RAB11FIP4: variants seen among roughly 807,000 people sequenced by gnomAD.
RAB11FIP4 encodes rab11 family-interacting protein 4.
In RAB11FIP4, 23 loss-of-function variants were observed where a neutral mutation model predicts 74.3. The observed-to-expected ratio is 0.31, with a 90% CI of 0.22 to 0.44. The LOEUF is 0.44. Among genes scored for constraint, RAB11FIP4 ranks in the 20% least tolerant of loss-of-function variants. The pLI is 1.00. For synonymous variants in RAB11FIP4, 360 were observed against 359.9 expected (o/e 1.00, Z 0.00); for missense variants, 630 against 863.9 (o/e 0.73, Z 3.39).
intron 1 of RAB11FIP4, among the ~76,000 whole-genome samples, chr17:31,406,451 C>T (rs1397471235): frequency 6.6e-6 from 1 of 152,104 alleles, no homozygotes; most frequent in Non-Finnish European, 1.5e-5. Context: ...TAAAAATGGT[C>T]GTGTCTCCTC....
Position 31,535,504 on chromosome 17 carries a change from C to A in RAB11FIP4, c.*3772C>A, listed in dbSNP as rs1034665951. ...CTGCCCTGTCCTGCAAGGTCGTTGG[C>A]CAGAGGTAGAGGAAACTGGTCAAAG... is the stretch of plus-strand genomic sequence containing the variant. On this transcript the variant is annotated 3_prime_UTR_variant, in exon 15 of 15. Transcript: ENST00000621161. The A allele has an allele frequency of 2.0e-5, 3 of 152,222 alleles. No homozygotes were observed. Among genetic ancestry groups the A allele is most frequent in the African/African-American group, 7.2e-5 (3 of 41,444 alleles). The allele number at this position is 152,222 out of a possible 1,614,324, so 9.4% of individuals were successfully genotyped here.
chr17:31,398,806 A>G (rs916075124), intron 1 of RAB11FIP4, among the ~76,000 whole-genome samples: 4 of 152,210 alleles, frequency 2.6e-5, no homozygotes, highest in Admixed American at 2.6e-4. Flanking sequence ...AGGCTGGGCC[A>G]GGAGATTCCT....
At chr17:31,459,989 T>C (rs576611193) in intron 3 of RAB11FIP4, among the ~76,000 whole-genome samples, 24 of 152,152 alleles carry the variant, frequency 1.6e-4, no homozygotes, top group Non-Finnish European at 2.9e-4. Context: ...TGCCTTGCGG[T>C]CACTCCCGGC....
At chr17:31,530,672 C>G (rs76141076) in intron 14 of RAB11FIP4, among the ~76,000 whole-genome samples, 1 of 152,190 alleles carries the variant, frequency 6.6e-6, no homozygotes, top group East Asian at 1.9e-4. Context: ...TCCGCCTGTG[C>G]TGGAAGGAGT....
chr17:31,394,779 GGACAGGGCCCC>G (rs1458759632), intron 1 of RAB11FIP4, among the ~76,000 whole-genome samples: 1 of 152,108 alleles, frequency 6.6e-6, no homozygotes, highest in Non-Finnish European at 1.5e-5. Context: ...GCAGGACCAT[GGACAGGGCCCC>G]GAGGCACTTG....
chr17:31,464,172 T>G (rs968672058), intron 3 of RAB11FIP4, among the ~76,000 whole-genome samples: 2 of 151,988 alleles, frequency 1.3e-5, no homozygotes, highest in African/African-American at 4.8e-5. Flanking sequence ...CATACTTGCC[T>G]GTGTTTGAAC....
chr17:31,524,806 C>T (rs537690219), intron 9 of RAB11FIP4: 29 of 514,060 alleles, frequency 5.6e-5, no homozygotes, highest in African/African-American at 9.7e-5. Flanking sequence ...GAGGTGGTTC[C>T]GGCCAGGTGT....
Position 31,528,638 on chromosome 17 carries a change from A to G in RAB11FIP4, c.1513A>G (p.Lys505Glu). ...ATQELIEDLR[K>E]ELEHLQMYKL... is the part of the protein sequence containing the mutation. ...CTCGCAGCTCATCGAGGACTTGCGG[A>G]AGGAGCTGGAGCACCTGCAGATGTA... Residue 505 changes from lysine (K) to glutamate (E), a missense_variant, in exon 13 of 15, where the codon AAG becomes GAG. Lys to Glu is a moderately conservative substitution (Grantham distance 56). Coordinates refer to ENST00000621161, the MANE Select transcript of RAB11FIP4 (RefSeq NM_032932.6). 2 of 1,613,506 alleles carry G rather than the reference A, an allele frequency of 1.2e-6. No homozygotes were observed. The highest frequency in any genetic ancestry group is 1.7e-6 in the Non-Finnish European group (2 of 1,179,784).
At chr17:31,514,537 A>G (rs2072511714) in intron 3 of RAB11FIP4, among the ~76,000 whole-genome samples, 1 of 152,252 alleles carries the variant, frequency 6.6e-6, no homozygotes, top group Non-Finnish European at 1.5e-5. Flanking sequence ...CAGAAAGGGG[A>G]AAAGAGGCTC....
At chr17:31,480,299 C>T (rs566004594) in intron 3 of RAB11FIP4, among the ~76,000 whole-genome samples, 78 of 152,130 alleles carry the variant, frequency 5.1e-4, no homozygotes, top group African/African-American at 1.8e-3. Flanking sequence ...ACATTGTGTG[C>T]CAGGATGCCA....
chr17:31,501,135 C>G (rs1011164275), intron 3 of RAB11FIP4, among the ~76,000 whole-genome samples: 1 of 151,926 alleles, frequency 6.6e-6, no homozygotes. Flanking sequence ...AAAATATCAT[C>G]TCTTAAGAAG....
chr17:31,403,656 C>T (rs558341400), intron 1 of RAB11FIP4, among the ~76,000 whole-genome samples: 2 of 152,260 alleles, frequency 1.3e-5, no homozygotes, highest in African/African-American at 2.4e-5. Context: ...TTCGTCATCA[C>T]GGCAACCAGG....
rs2142846392 is a variant in RAB11FIP4, at chr17:31,537,349, ACTTTGTACAGAAT to A, written c.*5622_*5634del. On this transcript the variant is annotated 3_prime_UTR_variant, in exon 15 of 15. Transcript: ENST00000621161. ...GCTCGCTCAGCCTGTAGACTTGGTAACTTTGTACAGAATCTTTCATTATTGTCTTAAGCATGGG... is the reference window on the plus strand; with the variant it reads ...GCTCGCTCAGCCTGTAGACTTGGTAACTTTCATTATTGTCTTAAGCATGGG... The A allele has an allele frequency of 2.5e-6, 1 of 397,912 alleles. No individual in the cohort carries two copies. The highest frequency in any genetic ancestry group is 3.6e-5 in the East Asian group (1 of 28,062). The allele number at this position is 397,912 out of a possible 1,614,324, so 24.6% of individuals were successfully genotyped here.
intron 3 of RAB11FIP4, among the ~76,000 whole-genome samples, chr17:31,489,089 C>A (rs1384188646): frequency 6.6e-6 from 1 of 152,244 alleles, no homozygotes; most frequent in East Asian, 1.9e-4. Context: ...TTTTCCTTGA[C>A]TGACCGATTT....
Position 31,527,896 on chromosome 17 carries a change from C to T in RAB11FIP4, c.1329C>T (p.Leu443=), listed in dbSNP as rs763351155. ...AGCTTAGAACAACAGTGACTCGGCT[C>T]AAGTCTCAAACAGAGAAACTGGATG... ...NTELRTTVTR[L]KSQTEKLDEE... is the part of the protein sequence containing the mutation. The change falls in exon 11 of 15, where the codon CTC becomes CTT. Residue 443 remains leucine (L), a synonymous_variant. Coordinates refer to ENST00000621161, the MANE Select transcript of RAB11FIP4 (RefSeq NM_032932.6). The T allele has an allele frequency of 2.5e-5, 40 of 1,604,434 alleles. No homozygotes were observed. In the East Asian group the frequency reaches 8.5e-4, roughly 34 times the overall value.
chr17:31,402,880 C>A (rs1443835436), intron 1 of RAB11FIP4, among the ~76,000 whole-genome samples: 4 of 152,046 alleles, frequency 2.6e-5, no homozygotes, highest in Non-Finnish European at 4.4e-5. Context: ...CCGCCTTGGC[C>A]TCCCAAAGTG....
At chr17:31,442,246 G>C (rs904672100) in intron 3 of RAB11FIP4, among the ~76,000 whole-genome samples, 14 of 152,078 alleles carry the variant, frequency 9.2e-5, no homozygotes, top group African/African-American at 2.9e-4. Flanking sequence ...TGATCCACCT[G>C]CCTCGGCCTC....
intron 3 of RAB11FIP4, chr17:31,465,511 T>TTAA (rs2071675871): frequency 1.5e-5 from 2 of 132,468 alleles, no homozygotes; most frequent in African/African-American, 5.6e-5. Context: ...GGCACCCTGT[T>TTAA]AAAAAAAAAA....
At chr17:31,412,752 G>A (rs1291606426) in intron 1 of RAB11FIP4, among the ~76,000 whole-genome samples, 2 of 152,192 alleles carry the variant, frequency 1.3e-5, no homozygotes, top group East Asian at 1.9e-4. Flanking sequence ...GACACCAGGC[G>A]CAGATAGGTT....
Sources: allele counts gnomAD v4.1 joint callset (sites outside exome capture counted in the v4.1 genomes callset), GRCh38; gene constraint gnomAD v4.1.1; transcripts MANE v1.5; gene names NCBI Gene and HGNC (gene_info 2026-07-23, HGNC 2026-07-21).